SPPL3: variants seen among roughly 807,000 people sequenced by gnomAD.
SPPL3 encodes the protein signal peptide peptidase like 3.
Under a neutral mutation model 42.4 loss-of-function variants are expected in SPPL3, and 5 were observed. That is an observed-to-expected ratio of 0.12 (90% CI 0.06 to 0.25). SPPL3 has a LOEUF of 0.25. Ranked by LOEUF, SPPL3 falls within the 10% of genes least tolerant of loss-of-function variation. The pLI, the probability that SPPL3 is intolerant of heterozygous loss-of-function variation, is 1.00. For synonymous variants in SPPL3, 195 were observed against 181.8 expected, an observed-to-expected ratio of 1.07 and a Z score of -0.58; for missense variants, 235 against 489.0, an observed-to-expected ratio of 0.48 and a Z score of 4.90.
chr12:120,893,251 C>A (rs1166739147), intron 1 of SPPL3, among the ~76,000 whole-genome samples: 1 of 151,790 alleles, frequency 6.6e-6, no homozygotes, highest in African/African-American at 2.4e-5. Flanking sequence ...GAGATCGAGA[C>A]CATCCTGGCT....
chr12:120,832,636 G>A (rs651156), intron 1 of SPPL3, among the ~76,000 whole-genome samples: 136,986 of 151,920 alleles, frequency 0.9, 62,615 homozygotes, highest in East Asian at 1. Context: ...ATTGCACTCC[G>A]GCCTGGGGAA....
intron 2 of SPPL3, chr12:120,791,779 G>T: frequency 2.1e-6 from 1 of 470,386 alleles, no homozygotes; most frequent in Non-Finnish European, 3.8e-6. Context: ...TCCCAATGCA[G>T]CTGAATCTTC....
At chr12:120,855,075 G>C (rs1872406428) in intron 1 of SPPL3, among the ~76,000 whole-genome samples, 2 of 152,038 alleles carry the variant, frequency 1.3e-5, no homozygotes, top group Non-Finnish European at 2.9e-5. Flanking sequence ...AGAGGAGAGG[G>C]AACTCATTAT....
intron 1 of SPPL3, among the ~76,000 whole-genome samples, chr12:120,840,595 C>A (rs117208872): frequency 1.3e-5 from 2 of 151,782 alleles, no homozygotes; most frequent in Non-Finnish European, 2.9e-5. Flanking sequence ...ACTTTGGGAG[C>A]CCGAGGCAGG....
At chr12:120,836,974 CAT>C (rs558292506) in intron 1 of SPPL3, among the ~76,000 whole-genome samples, 13 of 141,008 alleles carry the variant, frequency 9.2e-5, no homozygotes, top group African/African-American at 3.2e-4. Context: ...GCAAAGAGCA[CAT>C]GAGCTCTCTG....
intron 3 of SPPL3, among the ~76,000 whole-genome samples, chr12:120,787,705 TTTA>T (rs1162349713): frequency 6.6e-6 from 1 of 152,142 alleles, no homozygotes; most frequent in Non-Finnish European, 1.5e-5. Context: ...TATCCTGACT[TTTA>T]TGACACGTTT....
At chr12:120,779,574 T>C (rs1227101801) in intron 6 of SPPL3, among the ~76,000 whole-genome samples, 1 of 152,230 alleles carries the variant, frequency 6.6e-6, no homozygotes, top group African/African-American at 2.4e-5. Flanking sequence ...GAAAAGGTGA[T>C]AGTTCACAAC....
At chr12:120,781,057 T>C (rs980881807) in intron 6 of SPPL3, among the ~76,000 whole-genome samples, 2 of 152,208 alleles carry the variant, frequency 1.3e-5, no homozygotes, top group East Asian at 1.9e-4. Context: ...GTTTACTCTT[T>C]TGAAAATGGA....
At chr12:120,888,938 T>C (rs547369340) in intron 1 of SPPL3, among the ~76,000 whole-genome samples, 6 of 151,978 alleles carry the variant, frequency 3.9e-5, no homozygotes, top group African/African-American at 1.4e-4. Flanking sequence ...GCCTCCCGAG[T>C]AAATAGCTGG....
chr12:120,853,570 C>G (rs900283616), intron 1 of SPPL3, among the ~76,000 whole-genome samples: 1 of 152,110 alleles, frequency 6.6e-6, no homozygotes, highest in African/African-American at 2.4e-5. Context: ...CACACCAAAG[C>G]ACATGGAAAG....
At chr12:120,838,274 T>A (rs1475619675) in intron 1 of SPPL3, among the ~76,000 whole-genome samples, 1 of 152,236 alleles carries the variant, frequency 6.6e-6, no homozygotes, top group East Asian at 1.9e-4. Context: ...TTTTTCCTTA[T>A]CAGCTCTACA....
intron 1 of SPPL3, among the ~76,000 whole-genome samples, chr12:120,853,043 C>T (rs149356105): frequency 0.042 from 6,402 of 151,276 alleles, 182 homozygotes; most frequent in South Asian, 0.11. Context: ...TACAGGCACC[C>T]GCCACCATGC....
Position 120,891,736 on chromosome 12 carries a change from T to TA in SPPL3, c.23+12108dup, listed in dbSNP as rs5801407. 4.9e-3 allele frequency among the ~76,000 whole-genome samples: 661 copies of TA among 134,626 alleles called. 7 individuals are homozygous for TA. The highest frequency in any genetic ancestry group is 0.017 in the African/African-American group (614 of 36,120). The allele number at this position is 134,626 out of a possible 152,430, so 88.3% of individuals were successfully genotyped here. A position where few individuals can be genotyped will look rare whatever the true frequency, so the allele number is the denominator to read the frequency against. On this transcript the variant is annotated intron_variant, in intron 1 of 10. Transcript: ENST00000353487. ...TTCCCTAAGACTGTTTTGCAAATTC[T>TA]AAAAAAAAAAAAAAAAAAAAGCAGC...
chr12:120,861,403 G>A (rs1479750647), intron 1 of SPPL3, among the ~76,000 whole-genome samples: 1 of 152,202 alleles, frequency 6.6e-6, no homozygotes, highest in Non-Finnish European at 1.5e-5. Context: ...CAAAAGGACA[G>A]ATCCTTGAAA....
chr12:120,807,355 T>TA (rs1227270184), intron 2 of SPPL3, among the ~76,000 whole-genome samples: 1 of 151,496 alleles, frequency 6.6e-6, no homozygotes, highest in East Asian at 1.9e-4. Flanking sequence ...TTTACCACAA[T>TA]AAAAAAAATA....
intron 1 of SPPL3, among the ~76,000 whole-genome samples, chr12:120,874,167 A>G (rs1793078197): frequency 6.6e-6 from 1 of 152,132 alleles, no homozygotes; most frequent in African/African-American, 2.4e-5. Context: ...GAAATGGTAA[A>G]TATGGCCAGG....
chr12:120,813,317 G>GC (rs1446664623), intron 1 of SPPL3, among the ~76,000 whole-genome samples: 5 of 143,670 alleles, frequency 3.5e-5, no homozygotes, highest in Non-Finnish European at 1.5e-5. Flanking sequence ...TGGATCCTCA[G>GC]CTTTTTTTTT....
chr12:120,842,189 A>T (rs1871854381), intron 1 of SPPL3, among the ~76,000 whole-genome samples: 1 of 152,248 alleles, frequency 6.6e-6, no homozygotes, highest in Non-Finnish European at 1.5e-5. Context: ...AATCATGCAT[A>T]GAAAGTTGGC....
chr12:120,766,512 G>T, intron 9 of SPPL3, 140 bp from the exon 10 acceptor site: 1 of 591,282 alleles, frequency 1.7e-6, no homozygotes, highest in Non-Finnish European at 2.8e-6. Context: ...CCCAGCTTGG[G>T]CAGTTGAAGA....
Sources: allele counts gnomAD v4.1 joint callset (sites outside exome capture counted in the v4.1 genomes callset), GRCh38; gene constraint gnomAD v4.1.1; transcripts MANE v1.5; gene names NCBI Gene and HGNC (gene_info 2026-07-23, HGNC 2026-07-21).